ARRB1: variants seen among roughly 807,000 people sequenced by gnomAD.
ARRB1 encodes the protein beta-arrestin-1.
A neutral mutation model predicts 56.8 loss-of-function variants in ARRB1; 21 were observed. The observed-to-expected ratio is 0.37, with a 90% CI of 0.26 to 0.53. ARRB1 has a LOEUF of 0.53. Among genes scored for constraint, ARRB1 ranks in the 20% least tolerant of loss-of-function variants. The probability of loss-of-function intolerance (pLI) is 0.88; values close to 1 mark genes in which losing one functional copy is unlikely to be tolerated. For synonymous variants in ARRB1, 210 were observed against 218.6 expected (o/e 0.96, Z 0.35); for missense variants, 424 against 553.7 (o/e 0.77, Z 2.35).
chr11:75,344,092 C>T (rs1489512600), intron 1 of ARRB1, among the ~76,000 whole-genome samples: 2 of 152,222 alleles, frequency 1.3e-5, no homozygotes, highest in African/African-American at 4.8e-5. Flanking sequence ...GCTGTGATTA[C>T]AGGCATGAGC....
intron 14 of ARRB1, among the ~76,000 whole-genome samples, 164 bp from the exon 15 acceptor site, chr11:75,267,867 C>A (rs1945965527): frequency 6.6e-6 from 1 of 152,124 alleles, no homozygotes. Context: ...TACTGAAACA[C>A]CCCAAATCAT....
intron 1 of ARRB1, among the ~76,000 whole-genome samples, chr11:75,326,724 CT>C (rs34937667): frequency 0.034 from 4,251 of 123,744 alleles, 186 homozygotes; most frequent in African/African-American, 0.12. Flanking sequence ...AAATTACTGT[CT>C]TTTTTTTTTT....
chr11:75,324,919 A>G (rs924769737), intron 1 of ARRB1, among the ~76,000 whole-genome samples: 2 of 151,370 alleles, frequency 1.3e-5, no homozygotes, highest in African/African-American at 4.8e-5. Context: ...GAGGGAAGCC[A>G]GCACATGGGG....
intron 3 of ARRB1, 77 bp from the exon 4 acceptor site, chr11:75,284,356 G>T: frequency 2.1e-6 from 3 of 1,400,480 alleles, no homozygotes; most frequent in African/African-American, 1.4e-5. Flanking sequence ...ACCAGCCCAA[G>T]CCCAGATCCA....
rs564808627 is a variant in ARRB1, at chr11:75,262,363, C to T, written c.*3800G>A. Reference sequence around the variant, plus strand: ...AATATCCAGGTCTTCCCTCTGTGTCCTGGTTGCTGGGACCACTATTTTTGG... The same window carrying T: ...AATATCCAGGTCTTCCCTCTGTGTCTTGGTTGCTGGGACCACTATTTTTGG... On this transcript the variant is annotated 3_prime_UTR_variant, in exon 16 of 16. Transcript: ENST00000420843. 3.3e-5 allele frequency: 5 copies of T among 152,356 alleles called. No individual in the cohort carries two copies. In the South Asian group the frequency reaches 8.3e-4, roughly 25 times the overall value. 9.4% of individuals were successfully genotyped at this position (152,356 alleles called of 1,614,324 possible).
chr11:75,261,806 C>T lies in ARRB1; in HGVS notation c.*4357G>A. The T allele has an allele frequency of 6.6e-6, 1 of 152,234 alleles. No individual in the cohort carries two copies. Among genetic ancestry groups the T allele is most frequent in the Non-Finnish European group, 1.5e-5 (1 of 68,046 alleles). 9.4% of individuals were successfully genotyped at this position (152,234 alleles called of 1,614,324 possible). A position where few individuals can be genotyped will look rare whatever the true frequency, so the allele number is the denominator to read the frequency against. On this transcript the variant is annotated 3_prime_UTR_variant, in exon 16 of 16. Transcript: ENST00000420843. Reference sequence around the variant, plus strand: ...GAGGAAACACCAAGCCCAGTGCAGGCCGTATAGATGAGGGTTCAGGAGTGT... The same window carrying T: ...GAGGAAACACCAAGCCCAGTGCAGGTCGTATAGATGAGGGTTCAGGAGTGT...
chr11:75,299,961 C>T (rs1438108792), intron 1 of ARRB1, among the ~76,000 whole-genome samples: 1 of 152,124 alleles, frequency 6.6e-6, no homozygotes, highest in African/African-American at 2.4e-5. Context: ...AATCCCAGCA[C>T]TTTAGGAGGC....
chr11:75,321,882 A>G (rs989578643), intron 1 of ARRB1, among the ~76,000 whole-genome samples: 29 of 152,352 alleles, frequency 1.9e-4, no homozygotes, highest in Admixed American at 2.0e-4. Flanking sequence ...CCCTGTCTAC[A>G]TAAAGCTTCC....
Position 75,266,080 on chromosome 11 carries a change from G to A in ARRB1, c.*83C>T, listed in dbSNP as rs905977257. 2.4e-6 allele frequency: 3 copies of A among 1,256,324 alleles called. No individual in the cohort carries two copies. In the African/African-American group the frequency reaches 4.4e-5, roughly 19 times the overall value. 77.8% of individuals were successfully genotyped at this position (1,256,324 alleles called of 1,614,324 possible). A position where few individuals can be genotyped will look rare whatever the true frequency, so the allele number is the denominator to read the frequency against. On this transcript the variant is annotated 3_prime_UTR_variant, in exon 16 of 16. Transcript: ENST00000420843. Reference sequence around the variant, plus strand: ...GAAACTGGAAGAACAAAGGGGAAAAGAAACCAGAACAGGAAGAAGACGAGT... The same window carrying A: ...GAAACTGGAAGAACAAAGGGGAAAAAAAACCAGAACAGGAAGAAGACGAGT...
intron 1 of ARRB1, among the ~76,000 whole-genome samples, chr11:75,339,952 C>G (rs1261496405): frequency 4.6e-5 from 7 of 152,174 alleles, no homozygotes; most frequent in Non-Finnish European, 1.0e-4. Context: ...CCACCCAGAA[C>G]CTGGGAAGGC....
chr11:75,310,411 G>C (rs1014427818), intron 1 of ARRB1, among the ~76,000 whole-genome samples: 2 of 152,186 alleles, frequency 1.3e-5, no homozygotes, highest in African/African-American at 4.8e-5. Context: ...AGTCTAGCAG[G>C]GGGGAAAAGG....
chr11:75,341,298 T>C (rs1011346477), intron 1 of ARRB1, among the ~76,000 whole-genome samples: 1 of 151,974 alleles, frequency 6.6e-6, no homozygotes, highest in Non-Finnish European at 1.5e-5. Flanking sequence ...CCACCACACC[T>C]GGCTAATTTT....
chr11:75,313,892 T>C (rs948428495), intron 1 of ARRB1, among the ~76,000 whole-genome samples: 3 of 152,194 alleles, frequency 2.0e-5, no homozygotes. Context: ...TGAGTGCTTC[T>C]TACGTGCCTA....
intron 3 of ARRB1, among the ~76,000 whole-genome samples, chr11:75,286,213 T>A (rs1946468006): frequency 6.8e-6 from 1 of 146,404 alleles, no homozygotes; most frequent in Admixed American, 6.9e-5. Context: ...CACAGGGACA[T>A]GATGGGAAAG....
intron 1 of ARRB1, among the ~76,000 whole-genome samples, chr11:75,302,647 T>C (rs1250534878): frequency 1.3e-5 from 2 of 152,114 alleles, no homozygotes; most frequent in African/African-American, 2.4e-5. Context: ...CCATTTCCTA[T>C]CCTCTGGAAG....
At chr11:75,267,563 G>A in intron 15 of ARRB1, 89 bp downstream of exon 15, 1 of 1,348,826 alleles carries the variant, frequency 7.4e-7, no homozygotes, top group Non-Finnish European at 1.0e-6. Context: ...CGGCTCCTCA[G>A]GAGTTAATAA....
At chr11:75,340,234 G>A (rs1459634100) in intron 1 of ARRB1, among the ~76,000 whole-genome samples, 1 of 152,238 alleles carries the variant, frequency 6.6e-6, no homozygotes, top group Non-Finnish European at 1.5e-5. Flanking sequence ...TTCCTCTAAT[G>A]AGGCTTCCCC....
chr11:75,327,381 G>A (rs967859703), intron 1 of ARRB1, among the ~76,000 whole-genome samples: 1 of 150,870 alleles, frequency 6.6e-6, no homozygotes, highest in Non-Finnish European at 1.5e-5. Flanking sequence ...TGCCGAGGAT[G>A]ATCTCTAACT....
chr11:75,283,180 T>G, intron 5 of ARRB1, 107 bp downstream of exon 5: 2 of 1,189,648 alleles, frequency 1.7e-6, no homozygotes, highest in East Asian at 4.8e-5. Flanking sequence ...ACTGGGAAAC[T>G]GGGTGGCAGG....
Sources: gnomAD v4.1 joint callset for allele counts (sites outside exome capture counted in the v4.1 genomes callset) on GRCh38, gnomAD v4.1.1 for gene constraint, MANE v1.5 for transcripts, NCBI Gene and HGNC (gene_info 2026-07-23, HGNC 2026-07-21) for gene names.